SNAP91: variants seen among roughly 807,000 people sequenced by gnomAD.
SNAP91 encodes the protein clathrin coat assembly protein AP180.
A neutral mutation model predicts 100.3 loss-of-function variants in SNAP91; 27 were observed. The ratio of observed to expected loss-of-function variants is 0.27; its 90% CI spans 0.20 to 0.37. The LOEUF is 0.37. SNAP91 is among the 10% of genes least tolerant of loss of function. SNAP91 has a pLI of 1.00. For synonymous variants in SNAP91, 404 were observed against 398.6 expected, an observed-to-expected ratio of 1.01 and a Z score of -0.16; for missense variants, 986 against 1,123.7, an observed-to-expected ratio of 0.88 and a Z score of 1.75.
chr6:83,592,808 G>T, intron 20 of SNAP91, 138 bp downstream of exon 20: 1 of 758,954 alleles, frequency 1.3e-6, no homozygotes, highest in Non-Finnish European at 2.2e-6. Context: ...GTTGATGATG[G>T]TCCCAAGAGT....
chr6:83,582,453 A>G (rs1829862135), intron 22 of SNAP91, 97 bp from the exon 23 acceptor site: 39 of 1,252,076 alleles, frequency 3.1e-5, no homozygotes, highest in Non-Finnish European at 4.0e-5. Context: ...CTGAAAAGGA[A>G]TTAATTGCAT....
intron 27 of SNAP91, 109 bp from the exon 28 acceptor site, chr6:83,560,317 G>A: frequency 1.4e-6 from 1 of 736,600 alleles, no homozygotes; most frequent in Admixed American, 2.7e-5. Context: ...AGGAATCCAG[G>A]ACTATGAGGA....
chr6:83,587,769 TA>T (rs2092992042), intron 22 of SNAP91, among the ~76,000 whole-genome samples: 1 of 151,712 alleles, frequency 6.6e-6, no homozygotes, highest in Non-Finnish European at 1.5e-5. Context: ...TTTCATTTTT[TA>T]TTTTTTTGTT....
At chr6:83,639,463 A>G (rs1328324457) in intron 8 of SNAP91, among the ~76,000 whole-genome samples, 1 of 152,186 alleles carries the variant, frequency 6.6e-6, no homozygotes, top group Non-Finnish European at 1.5e-5. Context: ...TCATTCTATG[A>G]AAAAGTCTTA....
intron 2 of SNAP91, among the ~76,000 whole-genome samples, chr6:83,670,901 C>T (rs2098773309): frequency 6.6e-6 from 1 of 151,952 alleles, no homozygotes. Flanking sequence ...ACTTTGATTA[C>T]TATAAATTTA....
intron 2 of SNAP91, among the ~76,000 whole-genome samples, chr6:83,689,914 T>C (rs942406684): frequency 6.6e-6 from 1 of 152,122 alleles, no homozygotes; most frequent in Non-Finnish European, 1.5e-5. Context: ...TAAAATTTCA[T>C]CTTAAGTATA....
At chr6:83,602,510 A>G (rs1362932704) in intron 14 of SNAP91, among the ~76,000 whole-genome samples, 1 of 152,208 alleles carries the variant, frequency 6.6e-6, no homozygotes, top group Non-Finnish European at 1.5e-5. Context: ...GATCTTATCA[A>G]ACAAGATTGA....
intron 7 of SNAP91, 30 bp downstream of exon 7, chr6:83,656,724 G>A (rs748048814): frequency 2.7e-5 from 28 of 1,024,368 alleles, no homozygotes; most frequent in Non-Finnish European, 3.9e-5. Flanking sequence ...TATCCCATCA[G>A]CCCAGACATG....
chr6:83,665,328 C>A, intron 3 of SNAP91, 111 bp downstream of exon 3: 2 of 1,053,062 alleles, frequency 1.9e-6, no homozygotes, highest in Non-Finnish European at 2.8e-6. Context: ...CTGTGTATTT[C>A]CTTTTCTTTT....
At chr6:83,626,733 T>C (rs1427574902) in intron 8 of SNAP91, among the ~76,000 whole-genome samples, 1 of 152,104 alleles carries the variant, frequency 6.6e-6, no homozygotes, top group Admixed American at 6.6e-5. Flanking sequence ...TTTACTGAAG[T>C]TGTTTATCAG....
chr6:83,650,665 C>T (rs2098163633), intron 7 of SNAP91, among the ~76,000 whole-genome samples: 2 of 152,094 alleles, frequency 1.3e-5, no homozygotes, highest in African/African-American at 4.8e-5. Flanking sequence ...TGATCCATCC[C>T]CCTTGGCATC....
Position 83,607,707 on chromosome 6 carries a change from G to C in SNAP91, c.1014C>G (p.Val338=). ...VDLFATASAA[V]PVSTSKPSSD... ...CATATTTATTTACCAACCTGACTGG[G>C]ACAGCCGCAGATGCAGTTGCAAATA... is the stretch of plus-strand genomic sequence containing the variant. The change falls in exon 13 of 30, where the codon GTC becomes GTG. Residue 338 remains valine (V), a synonymous_variant. Transcript: ENST00000369694. 1 of 1,570,294 alleles carries C rather than the reference G, an allele frequency of 6.4e-7. No individual in the cohort carries two copies. The highest frequency in any genetic ancestry group is 8.7e-7 in the Non-Finnish European group (1 of 1,155,622).
intron 2 of SNAP91, among the ~76,000 whole-genome samples, chr6:83,666,920 A>G (rs571746017): frequency 6.6e-6 from 1 of 152,184 alleles, no homozygotes; most frequent in South Asian, 2.1e-4. Flanking sequence ...GAATAGATGT[A>G]TATTTGTCAT....
chr6:83,679,921 A>AT (rs893600249), intron 2 of SNAP91, among the ~76,000 whole-genome samples: 31 of 151,004 alleles, frequency 2.1e-4, no homozygotes, highest in East Asian at 5.8e-4. Flanking sequence ...GTCCACTTAC[A>AT]TTTTTTTTTC....
chr6:83,608,487 T>C (rs910936501), intron 12 of SNAP91, among the ~76,000 whole-genome samples: 1 of 152,170 alleles, frequency 6.6e-6, no homozygotes, highest in Non-Finnish European at 1.5e-5. Context: ...TTTTGTCTGG[T>C]ATATTTAATT....
chr6:83,556,477 TCTA>T (rs1443459950), intron 28 of SNAP91, among the ~76,000 whole-genome samples: 1 of 152,050 alleles, frequency 6.6e-6, no homozygotes, highest in African/African-American at 2.4e-5. Context: ...ATCTACTTGT[TCTA>T]CATAGTCACA....
chr6:83,591,155 C>CAA, intron 22 of SNAP91, 56 bp downstream of exon 22: 4 of 1,127,474 alleles, frequency 3.5e-6, no homozygotes, highest in Non-Finnish European at 5.3e-6. Context: ...ATAATTGTTA[C>CAA]TTATAAAAAT....
intron 23 of SNAP91, among the ~76,000 whole-genome samples, chr6:83,581,722 G>C (rs1828810967): frequency 6.6e-6 from 1 of 152,106 alleles, no homozygotes; most frequent in African/African-American, 2.4e-5. Context: ...ACCCAGCATG[G>C]GAAGAGTAGA....
intron 11 of SNAP91, among the ~76,000 whole-genome samples, chr6:83,611,170 T>C (rs2096038195): frequency 6.6e-6 from 1 of 152,102 alleles, no homozygotes; most frequent in Non-Finnish European, 1.5e-5. Context: ...GAAATATGTC[T>C]CGGCTTCCAT....
Sources: gnomAD v4.1 joint callset for allele counts (sites outside exome capture counted in the v4.1 genomes callset) on GRCh38, gnomAD v4.1.1 for gene constraint, MANE v1.5 for transcripts, NCBI Gene and HGNC (gene_info 2026-07-23, HGNC 2026-07-21) for gene names.